Variants in ELOVL5 observed in about 807,000 individuals in gnomAD.
ELOVL5 encodes ELOVL fatty acid elongase 5.
In ELOVL5, 8 loss-of-function variants were observed where a neutral mutation model predicts 38.6. That is an observed-to-expected ratio of 0.21 (90% CI 0.12 to 0.37). ELOVL5 has a LOEUF of 0.37. Among genes scored for constraint, ELOVL5 ranks in the 10% least tolerant of loss-of-function variants. The pLI is 1.00. For missense variants in ELOVL5, 280 were observed against 367.8 expected (o/e 0.76, Z 1.95); for synonymous variants, 127 against 133.7 (o/e 0.95, Z 0.34).
intron 1 of ELOVL5, among the ~76,000 whole-genome samples, chr6:53,341,281 G>A (rs978575595): frequency 1.3e-5 from 2 of 152,172 alleles, no homozygotes; most frequent in African/African-American, 4.8e-5. Context: ...GTCAACAGAA[G>A]CTATATGTTG....
At chr6:53,313,416 A>G (rs1019358875) in intron 1 of ELOVL5, among the ~76,000 whole-genome samples, 1 of 152,170 alleles carries the variant, frequency 6.6e-6, no homozygotes, top group African/African-American at 2.4e-5. Flanking sequence ...GCTAGAGTGC[A>G]GTGGCACAAT....
Position 53,267,437 on chromosome 6 carries a change from C to T in ELOVL5, c.*1690G>A, listed in dbSNP as rs1300957755. 1.3e-5 allele frequency: 2 copies of T among 152,426 alleles called. No homozygotes were observed. The highest frequency in any genetic ancestry group is 1.9e-4 in the East Asian group (1 of 5,198). 9.4% of individuals were successfully genotyped at this position (152,426 alleles called of 1,614,324 possible). ...AATGTTTTAATGATTACTGTTTAGA[C>T]ATTTAACAATGTAGGTATATCCAGG... On this transcript the variant is annotated 3_prime_UTR_variant, in exon 8 of 8. Transcript: ENST00000304434.
intron 1 of ELOVL5, among the ~76,000 whole-genome samples, chr6:53,315,247 T>G (rs1767982883): frequency 6.6e-6 from 1 of 152,106 alleles, no homozygotes; most frequent in South Asian, 2.1e-4. Context: ...TCCCTCTTCC[T>G]CCTATAAAAA....
At position 53,314,194 on chromosome 6, in the gene ELOVL5, T is replaced by C. The variant is rs377102605; in HGVS notation, c.-8-18487A>G. On this transcript the variant is annotated intron_variant, in intron 1 of 7. Coordinates refer to ENST00000304434, the MANE Select transcript of ELOVL5 (RefSeq NM_021814.5). ...CAAGGATTTTAGCAAGTCATGTTAA[T>C]GTAACTGAATATTCCGACTGGCTAA... is the stretch of plus-strand genomic sequence containing the variant. Among the ~76,000 whole-genome samples the C allele has an allele frequency of 3.9e-5, 6 of 152,368 alleles. No individual in the cohort carries two copies. The East Asian group carries it at 1.2e-3, about 29-fold the overall frequency.
chr6:53,320,320 C>T (rs949996198), intron 1 of ELOVL5, among the ~76,000 whole-genome samples: 2 of 151,488 alleles, frequency 1.3e-5, no homozygotes, highest in Admixed American at 6.6e-5. Context: ...GTCTCAAAAA[C>T]AAAACAACCC....
At chr6:53,328,157 C>A (rs1007275667) in intron 1 of ELOVL5, among the ~76,000 whole-genome samples, 19 of 152,174 alleles carry the variant, frequency 1.2e-4, no homozygotes, top group Non-Finnish European at 4.4e-5. Context: ...TGGCATTGCA[C>A]TGCCCAATGA....
intron 1 of ELOVL5, among the ~76,000 whole-genome samples, chr6:53,331,186 G>A (rs1208296286): frequency 6.6e-6 from 1 of 152,068 alleles, no homozygotes; most frequent in East Asian, 1.9e-4. Context: ...AAAAAGCCAG[G>A]CATGGTGGTA....
intron 2 of ELOVL5, 94 bp from the exon 3 acceptor site, chr6:53,292,057 C>T: frequency 1.4e-6 from 1 of 708,562 alleles, no homozygotes; most frequent in Non-Finnish European, 2.2e-6. Context: ...ATAAAAGTCA[C>T]CTGGTATTCA....
At chr6:53,309,478 A>T (rs1767734684) in intron 1 of ELOVL5, among the ~76,000 whole-genome samples, 1 of 152,176 alleles carries the variant, frequency 6.6e-6, no homozygotes, top group Non-Finnish European at 1.5e-5. Flanking sequence ...TTCATTACCT[A>T]GACTACAGGA....
At chr6:53,288,424 G>A (rs1766651356) in intron 3 of ELOVL5, among the ~76,000 whole-genome samples, 1 of 152,202 alleles carries the variant, frequency 6.6e-6, no homozygotes, top group African/African-American at 2.4e-5. Flanking sequence ...ACCATGGACT[G>A]TGATATTAGA....
Position 53,344,805 on chromosome 6 carries a change from C to T in ELOVL5, c.-9+4012G>A, listed in dbSNP as rs186302927. Among the ~76,000 whole-genome samples, 27 of 152,278 alleles carry T rather than the reference C, an allele frequency of 1.8e-4. 1 individual carries two copies. In the East Asian group the frequency reaches 3.9e-3, roughly 22 times the overall value. On this transcript the variant is annotated intron_variant, in intron 1 of 7. Transcript: ENST00000304434. The stretch of plus-strand genomic sequence containing the variant: ...CCAATTGTGCTATTTGCTTTTTGCC[C>T]AATGATTCCACACTCGCTTACTCTC...
chr6:53,347,279 TA>T (rs979794869), intron 1 of ELOVL5, among the ~76,000 whole-genome samples: 1 of 151,968 alleles, frequency 6.6e-6, no homozygotes, highest in Non-Finnish European at 1.5e-5. Flanking sequence ...GAATCTAGGG[TA>T]AAAATCTAAA....
At chr6:53,308,771 C>G (rs954239749) in intron 1 of ELOVL5, among the ~76,000 whole-genome samples, 3 of 151,658 alleles carry the variant, frequency 2.0e-5, no homozygotes, top group South Asian at 2.1e-4. Context: ...ATTACAGAGA[C>G]AGAGCCTAGA....
In ELOVL5 at chr6:53,330,517, CT is replaced by C. The variant is rs757160862; in HGVS notation, c.-9+18299del. On this transcript the variant is annotated intron_variant, in intron 1 of 7. Coordinates refer to ENST00000304434, the MANE Select transcript of ELOVL5 (RefSeq NM_021814.5). ...ATGGTAACATTTTTTTCTTTATAAA[CT>C]TTTTTTTTTTTTTTTTTTTTTTTAG... is the stretch of plus-strand genomic sequence containing the variant. 1.4e-3 allele frequency among the ~76,000 whole-genome samples: 124 copies of C among 91,414 alleles called. No homozygotes were observed. The East Asian group carries it at 0.016, about 12-fold the overall frequency. 60.0% of individuals were successfully genotyped at this position (91,414 alleles called of 152,430 possible). A position where few individuals can be genotyped will look rare whatever the true frequency, so the allele number is the denominator to read the frequency against.
intron 3 of ELOVL5, among the ~76,000 whole-genome samples, chr6:53,285,634 G>A (rs1414404982): frequency 1.3e-5 from 2 of 152,060 alleles, no homozygotes; most frequent in Non-Finnish European, 1.5e-5. Flanking sequence ...TTATAAATAG[G>A]GTTTTACTCT....
chr6:53,345,190 G>A (rs1769485978), intron 1 of ELOVL5, among the ~76,000 whole-genome samples: 1 of 152,184 alleles, frequency 6.6e-6, no homozygotes, highest in Admixed American at 6.5e-5. Context: ...CCCCATGTGA[G>A]ATTATGGTGG....
chr6:53,272,984 A>G (rs1052872168), intron 6 of ELOVL5, among the ~76,000 whole-genome samples: 7 of 152,244 alleles, frequency 4.6e-5, no homozygotes, highest in African/African-American at 7.2e-5. Flanking sequence ...TGAAGTTGGC[A>G]AATTAGATTC....
At chr6:53,348,139 C>G (rs1045198015) in intron 1 of ELOVL5, among the ~76,000 whole-genome samples, 2 of 152,104 alleles carry the variant, frequency 1.3e-5, no homozygotes, top group Non-Finnish European at 2.9e-5. Context: ...TTCCCACCAG[C>G]CTCATCCCTC....
chr6:53,298,546 A>G (rs948077881), intron 1 of ELOVL5, among the ~76,000 whole-genome samples: 12 of 152,128 alleles, frequency 7.9e-5, no homozygotes, highest in African/African-American at 2.9e-4. Flanking sequence ...CGGGGAAAAG[A>G]CCAAAGTAAC....
Sources: gnomAD v4.1 joint callset for allele counts (sites outside exome capture counted in the v4.1 genomes callset) on GRCh38, gnomAD v4.1.1 for gene constraint, MANE v1.5 for transcripts, NCBI Gene and HGNC (gene_info 2026-07-23, HGNC 2026-07-21) for gene names.